ADGRG3: variants seen among roughly 807,000 people sequenced by gnomAD.
ADGRG3 encodes G protein-coupled receptor 97.
ADGRG3 carries 39 observed loss-of-function variants against 54.3 expected under a neutral mutation model. The ratio of observed to expected loss-of-function variants is 0.72; its 90% CI spans 0.56 to 0.94. ADGRG3 has a LOEUF of 0.94. Among genes scored for constraint, ADGRG3 ranks in the 40% least tolerant of loss-of-function variants. The pLI, the probability that ADGRG3 is intolerant of heterozygous loss-of-function variation, is 0.00. For synonymous variants in ADGRG3, 312 were observed against 290.0 expected (o/e 1.08, Z -0.77); for missense variants, 654 against 694.6 (o/e 0.94, Z 0.66).
upstream of ADGRG3, among the ~76,000 whole-genome samples, chr16:57,667,754 C>T (rs1406372058): frequency 6.6e-6 from 1 of 152,160 alleles, no homozygotes; most frequent in Non-Finnish European, 1.5e-5. Context: ...GCAGGGCCAG[C>T]TCCTGCTCTC....
At position 57,684,115 on chromosome 16, in the gene ADGRG3, G is replaced by C; in HGVS notation, c.1065G>C (p.Trp355Cys). The C allele has an allele frequency of 3.1e-6, 5 of 1,614,102 alleles. No homozygotes were observed. Among genetic ancestry groups the C allele is most frequent in the Non-Finnish European group, 4.2e-6 (5 of 1,179,978 alleles). ...ACTTCCTGCTCTGTGCCTTCACCTG[G>C]ATGGGCCTTGAAGCCTTCCACCTCT... is the stretch of plus-strand genomic sequence containing the variant. ...FHYFLLCAFT[W>C]MGLEAFHLYL... Residue 355 changes from tryptophan (W) to cysteine (C), a missense_variant, in exon 9 of 12, where the codon TGG becomes TGC. Transcript: ENST00000333493.
rs376356347 is a variant in ADGRG3 at position 57,685,932 on chromosome 16, G to A, written c.1540+6G>A. On this transcript the variant is annotated splice_donor_region_variant and intron_variant, in intron 11 of 11. Transcript: ENST00000333493. ...ACTTTTCAACTCCTTGCAAGGTGAG[G>A]CCCCTGCACCAGGGAGGTGATGGGC... 2.5e-6 allele frequency: 4 copies of A among 1,612,524 alleles called. No individual in the cohort carries two copies. Among genetic ancestry groups the A allele is most frequent in the Non-Finnish European group, 3.4e-6 (4 of 1,179,012 alleles).
At chr16:57,669,615 C>T (rs1299560661) in intron 1 of ADGRG3, among the ~76,000 whole-genome samples, 1 of 152,062 alleles carries the variant, frequency 6.6e-6, no homozygotes, top group East Asian at 1.9e-4. Flanking sequence ...GAGCAAGGAG[C>T]TCTGAGAGGT....
chr16:57,683,098 C>A (rs766032926), intron 8 of ADGRG3, among the ~76,000 whole-genome samples: 1 of 152,178 alleles, frequency 6.6e-6, no homozygotes, highest in African/African-American at 2.4e-5. Flanking sequence ...AGGAGTCAGG[C>A]AAAGAAGGTG....
intron 2 of ADGRG3, among the ~76,000 whole-genome samples, chr16:57,674,186 G>A (rs2048216164): frequency 6.6e-6 from 1 of 152,110 alleles, no homozygotes; most frequent in Non-Finnish European, 1.5e-5. Context: ...GCATCACAGG[G>A]GTCTGGGTGG....
chr16:57,672,127 C>T (rs576778976), intron 1 of ADGRG3, among the ~76,000 whole-genome samples: 2 of 152,054 alleles, frequency 1.3e-5, no homozygotes, highest in Non-Finnish European at 2.9e-5. Context: ...CTGCAGTGAG[C>T]TGTGATCATG....
Position 57,678,306 on chromosome 16 carries a change from C to T in ADGRG3, c.482C>T (p.Thr161Ile). 3 of 1,614,184 alleles carry T rather than the reference C, an allele frequency of 1.9e-6. No homozygotes were observed. Among genetic ancestry groups the T allele is most frequent in the Middle Eastern group, 1.7e-4 (1 of 6,060 alleles). The change falls in exon 4 of 12, where the codon ACT becomes ATT. Residue 161 changes from threonine to isoleucine, a missense_variant. Coordinates refer to ENST00000333493, the MANE Select transcript of ADGRG3 (RefSeq NM_170776.5). Reference sequence around the variant, plus strand: ...ACCATTCTGGACATTGGTCCAGGGACTCTCTTCAAGGTGAGGACTCAGGGA... The same window carrying T: ...ACCATTCTGGACATTGGTCCAGGGATTCTCTTCAAGGTGAGGACTCAGGGA... ...AVTILDIGPG[T>I]LFKGPRLGLG...
chr16:57,670,455 C>G (rs1356437736), intron 1 of ADGRG3, among the ~76,000 whole-genome samples: 1 of 152,088 alleles, frequency 6.6e-6, no homozygotes, highest in Admixed American at 6.6e-5. Flanking sequence ...GAATGGCACC[C>G]GTCCTCAAGC....
At chr16:57,669,117 C>T (rs567734611) in intron 1 of ADGRG3, among the ~76,000 whole-genome samples, 12 of 152,284 alleles carry the variant, frequency 7.9e-5, no homozygotes, top group South Asian at 2.1e-4. Flanking sequence ...GCAACCCTCT[C>T]GGACAGAGGG....
chr16:57,679,378 A>G (rs1488546668), intron 5 of ADGRG3, 67 bp downstream of exon 5: 5 of 1,561,748 alleles, frequency 3.2e-6, no homozygotes, highest in Non-Finnish European at 4.4e-6. Context: ...ACCTGGGCCC[A>G]TGGGCCCTGC....
At position 57,684,301 on chromosome 16, in the gene ADGRG3, G is replaced by A. The variant is rs533457458; in HGVS notation, c.1162+89G>A. 4.0e-5 allele frequency: 62 copies of A among 1,568,666 alleles called. No homozygotes were observed. In the East Asian group the frequency reaches 1.4e-3, roughly 35 times the overall value. On this transcript the variant is annotated intron_variant, in intron 9 of 11. Coordinates refer to ENST00000333493, the MANE Select transcript of ADGRG3 (RefSeq NM_170776.5). ...TGGGGAGAGAGAGGAGGGGTTCCCA[G>A]AGCTGGAGGGATGGCCATCTGGAGG...
At chr16:57,685,947 A>G in intron 11 of ADGRG3, 21 bp downstream of exon 11, 1 of 1,610,448 alleles carries the variant, frequency 6.2e-7, no homozygotes, top group South Asian at 1.1e-5. Flanking sequence ...TGCACCAGGG[A>G]GGTGATGGGC....
chr16:57,685,889 C>T lies in ADGRG3; in HGVS notation c.1503C>T (p.Ser501=). Residue 501 remains serine, a synonymous_variant, in exon 11 of 12, where the codon TCC becomes TCT. Transcript: ENST00000333493. ...GLAIFTPLGL[S]TVYIFALFNS... is the part of the protein sequence containing the mutation. The stretch of plus-strand genomic sequence containing the variant: ...CCATCTTCACCCCGTTGGGCCTCTC[C>T]ACCGTCTACATCTTTGCACTTTTCA... The T allele has an allele frequency of 6.2e-7, 1 of 1,614,162 alleles. No homozygotes were observed.
chr16:57,670,370 C>T (rs746748554), intron 1 of ADGRG3, among the ~76,000 whole-genome samples: 4 of 152,152 alleles, frequency 2.6e-5, no homozygotes, highest in South Asian at 2.1e-4. Flanking sequence ...TACATGCCTG[C>T]GCTGAAATTC....
At chr16:57,672,329 C>T (rs1176913808) in intron 1 of ADGRG3, among the ~76,000 whole-genome samples, 6 of 152,180 alleles carry the variant, frequency 3.9e-5, no homozygotes, top group Non-Finnish European at 8.8e-5. Flanking sequence ...AGTTCGAGAC[C>T]AGCCTGGGCA....
chr16:57,672,026 A>G (rs182043885), intron 1 of ADGRG3, among the ~76,000 whole-genome samples: 12 of 152,080 alleles, frequency 7.9e-5, no homozygotes, highest in Admixed American at 7.9e-4. Flanking sequence ...TAAAAAAAGG[A>G]AAAACTAGCC....
At chr16:57,667,410 T>G (rs893774808), upstream of ADGRG3, among the ~76,000 whole-genome samples, 41 of 152,368 alleles carry the variant, frequency 2.7e-4, no homozygotes, top group Non-Finnish European at 5.0e-4. Context: ...GCTGGCGCCC[T>G]AATTCCTTTA....
intron 2 of ADGRG3, 81 bp downstream of exon 2, chr16:57,673,549 C>A: frequency 7.6e-7 from 1 of 1,311,556 alleles, no homozygotes; most frequent in Non-Finnish European, 1.1e-6. Context: ...GCCATCTTCC[C>A]CCATGGCCCC....
chr16:57,667,851 G>A (rs377502856), upstream of ADGRG3, among the ~76,000 whole-genome samples: 31 of 152,374 alleles, frequency 2.0e-4, no homozygotes, highest in South Asian at 5.8e-3. Context: ...TGCCCAGCTT[G>A]TTGCAGGTCT....
Sources: allele counts gnomAD v4.1 joint callset (sites outside exome capture counted in the v4.1 genomes callset), GRCh38; gene constraint gnomAD v4.1.1; transcripts MANE v1.5; gene names NCBI Gene and HGNC (gene_info 2026-07-23, HGNC 2026-07-21).